SLC24A3: variants seen among roughly 807,000 people sequenced by gnomAD.
SLC24A3 encodes solute carrier family 24 member 3.
A neutral mutation model predicts 75.8 loss-of-function variants in SLC24A3; 28 were observed. The observed-to-expected ratio is 0.37, with a 90% CI of 0.27 to 0.51. SLC24A3 has a LOEUF of 0.51. Ranked by LOEUF, SLC24A3 falls within the 20% of genes least tolerant of loss-of-function variation. The probability of loss-of-function intolerance (pLI) is 0.94; values close to 1 mark genes in which losing one functional copy is unlikely to be tolerated. For synonymous variants in SLC24A3, 372 were observed against 334.1 expected (o/e 1.11, Z -1.24); for missense variants, 663 against 847.8 (o/e 0.78, Z 2.71).
chr20:19,215,327 C>T (rs1348115370), intron 1 of SLC24A3, among the ~76,000 whole-genome samples: 2 of 152,074 alleles, frequency 1.3e-5, no homozygotes, highest in African/African-American at 4.8e-5. Flanking sequence ...AGCTTAAAGT[C>T]ACACAGCATT....
intron 15 of SLC24A3, among the ~76,000 whole-genome samples, chr20:19,710,848 C>T (rs970115694): frequency 6.6e-6 from 1 of 152,234 alleles, no homozygotes; most frequent in Admixed American, 6.5e-5. Context: ...GTAGTAAGAA[C>T]ACTTAAGATC....
intron 16 of SLC24A3, among the ~76,000 whole-genome samples, chr20:19,720,591 G>T (rs917417391): frequency 2.0e-5 from 3 of 152,054 alleles, no homozygotes; most frequent in African/African-American, 7.2e-5. Flanking sequence ...AGATGCAGCC[G>T]CCACCGCCTG....
chr20:19,717,473 ACT>A, intron 15 of SLC24A3, 53 bp from the exon 16 acceptor site: 1 of 1,590,924 alleles, frequency 6.3e-7, no homozygotes, highest in South Asian at 1.1e-5. Flanking sequence ...CCAAAGCCTA[ACT>A]CTGCTTTGGA....
chr20:19,698,456 A>G (rs2032835598), intron 14 of SLC24A3, 112 bp from the exon 15 acceptor site: 1 of 665,624 alleles, frequency 1.5e-6, no homozygotes, highest in South Asian at 1.9e-5. Flanking sequence ...AGAGAAGCAC[A>G]TATGTGAGCT....
intron 6 of SLC24A3, among the ~76,000 whole-genome samples, chr20:19,618,201 A>G (rs1414720156): frequency 6.6e-6 from 1 of 152,176 alleles, no homozygotes; most frequent in Non-Finnish European, 1.5e-5. Flanking sequence ...CAGGCTGTCT[A>G]CATCCAGGTT....
intron 2 of SLC24A3, among the ~76,000 whole-genome samples, chr20:19,339,419 T>C (rs1389516810): frequency 6.6e-6 from 1 of 152,170 alleles, no homozygotes; most frequent in Non-Finnish European, 1.5e-5. Flanking sequence ...TATATAACCA[T>C]TTGTAAAAGA....
intron 6 of SLC24A3, among the ~76,000 whole-genome samples, chr20:19,646,942 C>T (rs1216213483): frequency 6.6e-6 from 1 of 152,034 alleles, no homozygotes; most frequent in Non-Finnish European, 1.5e-5. Context: ...ATGCCCCACC[C>T]GTGGCTTTTC....
intron 1 of SLC24A3, among the ~76,000 whole-genome samples, chr20:19,280,726 G>C (rs1164946029): frequency 1.3e-5 from 2 of 152,212 alleles, no homozygotes; most frequent in African/African-American, 4.8e-5. Flanking sequence ...TTACACAGTA[G>C]ACAACTGGAG....
intron 15 of SLC24A3, among the ~76,000 whole-genome samples, chr20:19,715,227 A>G (rs948223799): frequency 6.6e-6 from 1 of 152,244 alleles, no homozygotes; most frequent in Non-Finnish European, 1.5e-5. Context: ...ATTTGGAGGA[A>G]GAAAATCTTC....
chr20:19,588,055 G>A (rs1475821640), intron 6 of SLC24A3, among the ~76,000 whole-genome samples: 1 of 152,160 alleles, frequency 6.6e-6, no homozygotes, highest in Non-Finnish European at 1.5e-5. Context: ...CAGGGAGAAG[G>A]TCTTCTAAAT....
At chr20:19,552,146 C>A (rs952140663) in intron 3 of SLC24A3, among the ~76,000 whole-genome samples, 2 of 152,202 alleles carry the variant, frequency 1.3e-5, no homozygotes, top group Non-Finnish European at 2.9e-5. Context: ...GTATTTCTGT[C>A]CCCTTAAAAA....
intron 3 of SLC24A3, among the ~76,000 whole-genome samples, chr20:19,556,409 A>G (rs941886388): frequency 2.0e-4 from 30 of 152,010 alleles, no homozygotes; most frequent in Admixed American, 1.6e-3. Context: ...CTCCCACCCC[A>G]TCGTCCAAAT....
chr20:19,665,817 G>T, intron 7 of SLC24A3, 47 bp from the exon 8 acceptor site: 1 of 1,529,222 alleles, frequency 6.5e-7, no homozygotes, highest in Non-Finnish European at 8.8e-7. Flanking sequence ...GTGTGTGTGT[G>T]TGTGTGTGTG....
intron 3 of SLC24A3, among the ~76,000 whole-genome samples, chr20:19,569,261 T>C (rs1367427880): frequency 6.6e-6 from 1 of 152,236 alleles, no homozygotes; most frequent in Non-Finnish European, 1.5e-5. Flanking sequence ...TGTGTCCTGA[T>C]GCTTTGCACG....
At chr20:19,232,662 G>A (rs189974267) in intron 1 of SLC24A3, among the ~76,000 whole-genome samples, 3 of 152,346 alleles carry the variant, frequency 2.0e-5, no homozygotes, top group East Asian at 3.9e-4. Context: ...AGCCACTGAC[G>A]AGGACTCTGG....
At chr20:19,483,475 G>C (rs1000188521) in intron 2 of SLC24A3, among the ~76,000 whole-genome samples, 4 of 152,238 alleles carry the variant, frequency 2.6e-5, no homozygotes, top group Non-Finnish European at 4.4e-5. Context: ...GTGTGTGTAT[G>C]TGGTAACTAA....
intron 3 of SLC24A3, among the ~76,000 whole-genome samples, chr20:19,579,267 A>G (rs1036256770): frequency 2.0e-5 from 3 of 152,234 alleles, no homozygotes; most frequent in Non-Finnish European, 2.9e-5. Flanking sequence ...GAGAGGAAAC[A>G]TGCGGTTGGA....
intron 8 of SLC24A3, among the ~76,000 whole-genome samples, chr20:19,670,486 A>T (rs928995421): frequency 1.3e-5 from 2 of 152,252 alleles, no homozygotes; most frequent in African/African-American, 4.8e-5. Flanking sequence ...TTTGATGAGT[A>T]AAAAATTGAA....
At chr20:19,713,174 C>G (rs2033008367) in intron 15 of SLC24A3, among the ~76,000 whole-genome samples, 1 of 152,186 alleles carries the variant, frequency 6.6e-6, no homozygotes, top group African/African-American at 2.4e-5. Flanking sequence ...GGCAGGAGTG[C>G]TGAGGGGTGA....
Sources: gnomAD v4.1 joint callset for allele counts (sites outside exome capture counted in the v4.1 genomes callset) on GRCh38, gnomAD v4.1.1 for gene constraint, MANE v1.5 for transcripts, NCBI Gene and HGNC (gene_info 2026-07-23, HGNC 2026-07-21) for gene names.